Variants in NALF1 observed in about 807,000 individuals in gnomAD.
NALF1 encodes the protein family with sequence similarity 155 member A.
A neutral mutation model predicts 48.4 loss-of-function variants in NALF1; 3 were observed. That is an observed-to-expected ratio of 0.06 (90% confidence interval 0.03 to 0.16). NALF1 has a LOEUF of 0.16. NALF1 is among the 10% of genes least tolerant of loss of function. The pLI is 1.00. For synonymous variants in NALF1, 262 were observed against 245.7 expected (o/e 1.07, Z -0.62); for missense variants, 526 against 571.5 (o/e 0.92, Z 0.81).
intron 1 of NALF1, among the ~76,000 whole-genome samples, chr13:107,298,280 G>A (rs1881763331): frequency 6.9e-6 from 1 of 144,432 alleles, no homozygotes; most frequent in Non-Finnish European, 1.5e-5. Context: ...AACTCAGGAG[G>A]CGGAGCTTGC....
rs1430888796 is a variant in NALF1, at chr13:107,865,709, C to T, written c.888G>A (p.Ser296=). 6.2e-7 allele frequency: 1 copy of T among 1,613,954 alleles called. No individual in the cohort carries two copies. Among genetic ancestry groups the T allele is most frequent in the Non-Finnish European group, 8.5e-7 (1 of 1,179,940 alleles). ...TACAGTCTTCAGGACAGGATTTCACCGAGTACTCCTCCGACTGTAAATATT... is the reference window on the plus strand; with the variant it reads ...TACAGTCTTCAGGACAGGATTTCACTGAGTACTCCTCCGACTGTAAATATT... ...LHKYLQSEEY[S]VKSCPEDCKI... Residue 296 remains serine, a synonymous_variant, in exon 1 of 3, where the codon TCG becomes TCA. Coordinates refer to ENST00000375915, the MANE Select transcript of NALF1 (RefSeq NM_001080396.3).
chr13:107,834,960 G>A (rs766782814), intron 1 of NALF1, among the ~76,000 whole-genome samples: 5 of 152,228 alleles, frequency 3.3e-5, no homozygotes, highest in Admixed American at 6.5e-5. Flanking sequence ...CGGGAGACAC[G>A]TCATAAATGA....
Position 107,598,748 on chromosome 13 carries a change from G to T in NALF1, c.915+266934C>A, listed in dbSNP as rs980392413. On this transcript the variant is annotated intron_variant, in intron 1 of 2. Coordinates refer to ENST00000375915, the MANE Select transcript of NALF1 (RefSeq NM_001080396.3). ...ATGGTTTGCACTCTTACTTACTCAG[G>T]TCTCTGATCAGCATCATTTTATAAG... Among the ~76,000 whole-genome samples the T allele has an allele frequency of 2.0e-5, 3 of 151,978 alleles. No homozygotes were observed. In the East Asian group the frequency reaches 5.8e-4, roughly 29 times the overall value.
intron 1 of NALF1, among the ~76,000 whole-genome samples, chr13:107,791,096 T>G (rs1878218555): frequency 6.6e-6 from 1 of 152,212 alleles, no homozygotes; most frequent in Admixed American, 6.5e-5. Flanking sequence ...CTTTTCCTAT[T>G]TATTTTGCTT....
At chr13:107,454,879 T>C (rs1884799303) in intron 1 of NALF1, among the ~76,000 whole-genome samples, 1 of 152,160 alleles carries the variant, frequency 6.6e-6, no homozygotes, top group Non-Finnish European at 1.5e-5. Flanking sequence ...ATGACTACTG[T>C]GGTTACTATT....
At chr13:107,443,160 TTATC>T (rs1176658986) in intron 1 of NALF1, among the ~76,000 whole-genome samples, 2 of 144,450 alleles carry the variant, frequency 1.4e-5, no homozygotes, top group Admixed American at 7.0e-5. Flanking sequence ...TATTATTTAT[TTATC>T]TAACAATCTA....
intron 2 of NALF1, among the ~76,000 whole-genome samples, chr13:107,185,238 A>G (rs1879146125): frequency 6.6e-6 from 1 of 152,138 alleles, no homozygotes; most frequent in Non-Finnish European, 1.5e-5. Context: ...CCAGAACTAT[A>G]AGAAAATACA....
chr13:107,375,959 G>C (rs949754243), intron 1 of NALF1, among the ~76,000 whole-genome samples: 1 of 151,344 alleles, frequency 6.6e-6, no homozygotes, highest in African/African-American at 2.4e-5. Flanking sequence ...CACACACACA[G>C]AATGATGAAT....
chr13:107,668,645 T>C (rs967373667), intron 1 of NALF1, among the ~76,000 whole-genome samples: 1 of 152,090 alleles, frequency 6.6e-6, no homozygotes, highest in Non-Finnish European at 1.5e-5. Context: ...TTCCATACCC[T>C]AGAACTTACA....
chr13:107,463,463 C>T (rs1884951944), intron 1 of NALF1, among the ~76,000 whole-genome samples: 1 of 152,136 alleles, frequency 6.6e-6, no homozygotes, highest in Non-Finnish European at 1.5e-5. Flanking sequence ...AAATAAAAAG[C>T]ATGCATATCA....
intron 1 of NALF1, among the ~76,000 whole-genome samples, chr13:107,612,116 A>AGGGGGGGGGGGGGG (rs1179688282): frequency 3.6e-5 from 1 of 27,606 alleles, no homozygotes; most frequent in African/African-American, 1.6e-4. Flanking sequence ...GAGGAAGGGG[A>AGGGGGGGGGGGGGG]GGGGGGAGGG....
intron 1 of NALF1, among the ~76,000 whole-genome samples, chr13:107,756,354 A>C (rs1004151581): frequency 6.6e-6 from 1 of 151,846 alleles, no homozygotes; most frequent in African/African-American, 2.4e-5. Context: ...TGATGCCCAA[A>C]CACCACCTTG....
chr13:107,842,304 A>T (rs983462402), intron 1 of NALF1, among the ~76,000 whole-genome samples: 1 of 152,036 alleles, frequency 6.6e-6, no homozygotes, highest in South Asian at 2.1e-4. Flanking sequence ...ACTGAGAGAA[A>T]TCAAATTATT....
At chr13:107,515,793 C>T (rs1172663291) in intron 1 of NALF1, among the ~76,000 whole-genome samples, 1 of 152,124 alleles carries the variant, frequency 6.6e-6, no homozygotes, top group Admixed American at 6.6e-5. Flanking sequence ...GTAGAAATTA[C>T]CCTGGTGTAC....
intron 1 of NALF1, among the ~76,000 whole-genome samples, chr13:107,723,945 C>G (rs1876067961): frequency 6.6e-6 from 1 of 151,948 alleles, no homozygotes; most frequent in Non-Finnish European, 1.5e-5. Context: ...TTTTTTCATG[C>G]AAATATTTGA....
chr13:107,833,582 G>T (rs1483105448), intron 1 of NALF1, among the ~76,000 whole-genome samples: 1 of 152,040 alleles, frequency 6.6e-6, no homozygotes, highest in Non-Finnish European at 1.5e-5. Context: ...CATGTTCAAT[G>T]ATCATCATCC....
rs752320518 is a variant in NALF1 at position 107,325,887 on chromosome 13, T to TATATACAC, written c.916-115133_916-115132insGTGTATAT. Among the ~76,000 whole-genome samples, 505 of 58,360 alleles carry TATATACAC rather than the reference T, an allele frequency of 8.7e-3. 3 individuals are homozygous for TATATACAC. Among genetic ancestry groups the TATATACAC allele is most frequent in the Non-Finnish European group, 0.014 (398 of 27,860 alleles). 38.3% of individuals were successfully genotyped at this position (58,360 alleles called of 152,430 possible). On this transcript the variant is annotated intron_variant, in intron 1 of 2. Transcript: ENST00000375915. The stretch of plus-strand genomic sequence containing the variant: ...ATATATATATATATATATATATATA[T>TATATACAC]ACACACACACACACACACACATATA...
At chr13:107,530,021 G>A (rs930158189) in intron 1 of NALF1, among the ~76,000 whole-genome samples, 2 of 151,948 alleles carry the variant, frequency 1.3e-5, no homozygotes, top group Non-Finnish European at 2.9e-5. Flanking sequence ...AAGAAGCAAG[G>A]GTTCTATAGC....
At chr13:107,520,702 A>C (rs1353647862) in intron 1 of NALF1, among the ~76,000 whole-genome samples, 1 of 152,038 alleles carries the variant, frequency 6.6e-6, no homozygotes, top group Middle Eastern at 3.2e-3. Context: ...TGGTGGACGA[A>C]CTCTTCCCTG....
Sources: allele counts gnomAD v4.1 joint callset (sites outside exome capture counted in the v4.1 genomes callset), GRCh38; gene constraint gnomAD v4.1.1; transcripts MANE v1.5; gene names NCBI Gene and HGNC (gene_info 2026-07-23, HGNC 2026-07-21).